The following ADGRV1 variants were observed in gnomAD, a reference collection of about 807,000 sequenced individuals.
ADGRV1 encodes the protein adhesion G protein-coupled receptor V1, also known as G-protein coupled receptor 98.
In ADGRV1, 359 loss-of-function variants were observed where a neutral mutation model predicts 596.2. That is an observed-to-expected ratio of 0.60 (90% confidence interval 0.55 to 0.66). The LOEUF is 0.66. Among genes scored for constraint, ADGRV1 ranks in the 30% least tolerant of loss-of-function variants. The probability of loss-of-function intolerance (pLI) is 0.00; values close to 1 mark genes in which losing one functional copy is unlikely to be tolerated. For missense variants in ADGRV1, 7,274 were observed against 7,575.6 expected (o/e 0.96, Z 1.48); for synonymous variants, 2,681 against 2,679.2 (o/e 1.00, Z -0.02).
At chr5:90,624,379 T>G (rs1764474725) in intron 5 of ADGRV1, among the ~76,000 whole-genome samples, 1 of 152,182 alleles carries the variant, frequency 6.6e-6, no homozygotes, top group Admixed American at 6.5e-5. Context: ...GAGTAGAGTG[T>G]TTTCAACTTA....
intron 85 of ADGRV1, among the ~76,000 whole-genome samples, chr5:91,068,597 C>T (rs931830807): frequency 1.3e-5 from 2 of 151,150 alleles, no homozygotes; most frequent in Non-Finnish European, 2.9e-5. Context: ...AACATCTCTA[C>T]AAGGAGAACT....
In ADGRV1 at chr5:90,699,375, G is replaced by T. The variant is rs181839121; in HGVS notation, c.8155+2229G>T. Among the ~76,000 whole-genome samples the T allele has an allele frequency of 6.9e-4, 105 of 152,234 alleles. 1 individual carries two copies. Among genetic ancestry groups the T allele is most frequent in the Admixed American group, 2.6e-3 (40 of 15,270 alleles). ...AACAGCAAGGAGAGGAGAAGCATTG[G>T]ATAGAACAGATGACGGGAGCATTTT... On this transcript the variant is annotated intron_variant, in intron 34 of 89. Coordinates refer to ENST00000405460, the MANE Select transcript of ADGRV1 (RefSeq NM_032119.4).
rs77138410 is a variant in ADGRV1 at position 90,807,892 on chromosome 5, G to T, written c.14972+155G>T. On this transcript the variant is annotated intron_variant, in intron 73 of 89. Transcript: ENST00000405460. ...TCACGTGGCGTGCATGCTGGAGAGGGAGGTGGCTCTTAGGAGCCCCACCAC... is the reference window on the plus strand; with the variant it reads ...TCACGTGGCGTGCATGCTGGAGAGGTAGGTGGCTCTTAGGAGCCCCACCAC... Among the ~76,000 whole-genome samples, 1,347 of 152,310 alleles carry T rather than the reference G, an allele frequency of 8.8e-3. 6 individuals carry two copies. Among genetic ancestry groups the T allele is most frequent in the Non-Finnish European group, 0.013 (880 of 68,024 alleles).
At chr5:90,799,794 C>T (rs1056988819) in intron 70 of ADGRV1, among the ~76,000 whole-genome samples, 10 of 152,196 alleles carry the variant, frequency 6.6e-5, no homozygotes, top group Non-Finnish European at 1.3e-4. Flanking sequence ...ACCATCTGAT[C>T]TTTGACAAAC....
At chr5:90,721,280 G>A (rs1484935384) in intron 45 of ADGRV1, among the ~76,000 whole-genome samples, 1 of 151,980 alleles carries the variant, frequency 6.6e-6, no homozygotes, top group East Asian at 1.9e-4. Context: ...CGAGGCGGGT[G>A]GATCACAAGG....
At chr5:90,676,242 T>A in intron 25 of ADGRV1, 33 bp downstream of exon 25, 1 of 1,589,176 alleles carries the variant, frequency 6.3e-7, no homozygotes, top group Non-Finnish European at 8.6e-7. Context: ...GTTAAATATT[T>A]GCTTGTCTAC....
intron 15 of ADGRV1, 35 bp from the exon 16 acceptor site, chr5:90,645,932 AG>A (rs1195050407): frequency 7.8e-6 from 12 of 1,531,494 alleles, no homozygotes; most frequent in Middle Eastern, 1.7e-4. Flanking sequence ...TATATGTATA[AG>A]TCACCTGACT....
intron 85 of ADGRV1, among the ~76,000 whole-genome samples, chr5:91,009,374 T>A (rs374602594): frequency 1.3e-5 from 2 of 152,304 alleles, no homozygotes; most frequent in African/African-American, 4.8e-5. Context: ...TTGTACTTAC[T>A]GGTCCTGTTG....
At chr5:91,090,481 G>A (rs1790292526) in intron 86 of ADGRV1, among the ~76,000 whole-genome samples, 2 of 152,064 alleles carry the variant, frequency 1.3e-5, no homozygotes, top group South Asian at 4.2e-4. Context: ...TAGCATCCAG[G>A]AGAGCCCTAA....
At chr5:90,734,131 G>A (rs373979054) in intron 50 of ADGRV1, among the ~76,000 whole-genome samples, 26 of 152,150 alleles carry the variant, frequency 1.7e-4, no homozygotes, top group African/African-American at 5.1e-4. Context: ...GTATTCCATC[G>A]CGTATATATA....
At chr5:90,688,339 C>G (rs927360437) in intron 29 of ADGRV1, among the ~76,000 whole-genome samples, 2 of 152,020 alleles carry the variant, frequency 1.3e-5, no homozygotes, top group Non-Finnish European at 2.9e-5. Context: ...ACTGGCTAGC[C>G]ATATGTTGAT....
chr5:90,869,014 G>A (rs987184274), intron 83 of ADGRV1, among the ~76,000 whole-genome samples: 2 of 152,072 alleles, frequency 1.3e-5, no homozygotes, highest in African/African-American at 2.4e-5. Context: ...ATTGCGCAAT[G>A]AGAAATACCA....
chr5:91,046,998 T>C (rs1785884029), intron 85 of ADGRV1, among the ~76,000 whole-genome samples: 1 of 152,042 alleles, frequency 6.6e-6, no homozygotes, highest in African/African-American at 2.4e-5. Context: ...ATGGCCATGA[T>C]CAAAAAGTCA....
At chr5:91,112,959 T>G (rs1283803944) in intron 87 of ADGRV1, among the ~76,000 whole-genome samples, 2 of 152,176 alleles carry the variant, frequency 1.3e-5, no homozygotes, top group African/African-American at 4.8e-5. Context: ...AAAGAAGTGT[T>G]TATCTCAGGA....
Position 90,653,316 on chromosome 5 carries a change from T to G in ADGRV1, c.3742T>G (p.Cys1248Gly), listed in dbSNP as rs769635806. 1 of 1,613,590 alleles carries G rather than the reference T, an allele frequency of 6.2e-7. No homozygotes were observed. The highest frequency in any genetic ancestry group is 1.1e-5 in the South Asian group (1 of 91,060). Residue 1248 changes from cysteine (C) to glycine (G), a missense_variant, in exon 20 of 90, where the codon TGT becomes GGT. Cys to Gly is a radical substitution (Grantham distance 159). Around this residue, in one of 5 missense-constraint regions of ADGRV1, gnomAD observed 1,715 missense variants for 1,708.8 expected, o/e 1.00. Coordinates refer to ENST00000405460, the MANE Select transcript of ADGRV1 (RefSeq NM_032119.4). ...TGGAGTTTTTATCTTGGATCCAGAG[T>G]GTTTAGAGAGAGAAGTGGCAGAAGA... Reference protein sequence around the residue: ...PFGVFILDPECLEREVAEDVL... With the variant: ...PFGVFILDPEGLEREVAEDVL...
At position 90,818,969 on chromosome 5, in the gene ADGRV1, G is replaced by C. The variant is rs923218591; in HGVS notation, c.16196+3233G>C. On this transcript the variant is annotated intron_variant, in intron 75 of 89. Transcript: ENST00000405460. ...AGGATTCCCTCTTTTTCTGTTGATT[G>C]GAATAGTTTCAGAAGGAATGGTACC... Among the ~76,000 whole-genome samples the C allele has an allele frequency of 4.2e-3, 634 of 151,940 alleles. 2 individuals are homozygous for C. Among genetic ancestry groups the C allele is most frequent in the Non-Finnish European group, 6.9e-3 (471 of 67,954 alleles).
At chr5:91,132,717 C>G in intron 87 of ADGRV1, among the ~76,000 whole-genome samples, 1 of 152,154 alleles carries the variant, frequency 6.6e-6, no homozygotes, top group East Asian at 1.9e-4. Context: ...ACTCTCCATT[C>G]AAGAATAGTG....
At chr5:90,947,999 A>G (rs1021958549) in intron 83 of ADGRV1, among the ~76,000 whole-genome samples, 1 of 152,116 alleles carries the variant, frequency 6.6e-6, no homozygotes, top group Non-Finnish European at 1.5e-5. Context: ...TCCCAGGAGA[A>G]CTCAGACATT....
At chr5:90,877,392 G>A (rs1048933522) in intron 83 of ADGRV1, among the ~76,000 whole-genome samples, 6 of 152,176 alleles carry the variant, frequency 3.9e-5, no homozygotes, top group Non-Finnish European at 8.8e-5. Flanking sequence ...ATGTATGGAG[G>A]AGCAACAGAA....
Sources: gnomAD v4.1 joint callset for allele counts (sites outside exome capture counted in the v4.1 genomes callset) on GRCh38, gnomAD v4.1.1 for gene constraint, gnomAD v4.1.1 regional missense constraint, MANE v1.5 for transcripts, NCBI Gene and HGNC (gene_info 2026-07-23, HGNC 2026-07-21) for gene names.